SYNJ2BP: variants seen among roughly 807,000 people sequenced by gnomAD.
The protein encoded by SYNJ2BP is synaptojanin 2 binding protein, also known as synaptojanin-2-binding protein.
In SYNJ2BP, 10 loss-of-function variants were observed where a neutral mutation model predicts 16.9. The observed-to-expected ratio is 0.59, with a 90% confidence interval of 0.36 to 1.00. The LOEUF (loss-of-function observed/expected upper bound fraction) is 1.00, where lower values mean the gene tolerates loss of function less well. Ranked by LOEUF, SYNJ2BP falls within the 50% of genes least tolerant of loss-of-function variation. The pLI is 0.01. For missense variants in SYNJ2BP, 162 were observed against 186.7 expected (o/e 0.87, Z 0.77); for synonymous variants, 54 against 68.4 (o/e 0.79, Z 1.04).
intron 2 of SYNJ2BP, among the ~76,000 whole-genome samples, chr14:70,381,327 T>C (rs973192992): frequency 6.6e-6 from 1 of 152,234 alleles, no homozygotes; most frequent in Non-Finnish European, 1.5e-5. Flanking sequence ...TAAGAGACGT[T>C]ATTCTAATGA....
chr14:70,379,964 T>C (rs1887712306), intron 2 of SYNJ2BP, among the ~76,000 whole-genome samples: 1 of 152,232 alleles, frequency 6.6e-6, no homozygotes, highest in African/African-American at 2.4e-5. Context: ...GTAGAAATAC[T>C]GGGCTTAAAA....
At chr14:70,390,242 G>C (rs777960355) in intron 1 of SYNJ2BP, among the ~76,000 whole-genome samples, 31 of 152,122 alleles carry the variant, frequency 2.0e-4, no homozygotes, top group Admixed American at 6.5e-5. Context: ...GTCAGCTACT[G>C]GTAGAATTCA....
At chr14:70,390,672 A>AT (rs1428239982) in intron 1 of SYNJ2BP, among the ~76,000 whole-genome samples, 1 of 151,884 alleles carries the variant, frequency 6.6e-6, no homozygotes, top group Non-Finnish European at 1.5e-5. Context: ...CATCTCAAAA[A>AT]AAAAAATAAA....
chr14:70,395,020 GAA>G (rs1326550366), intron 1 of SYNJ2BP, among the ~76,000 whole-genome samples: 4 of 152,060 alleles, frequency 2.6e-5, no homozygotes, highest in Non-Finnish European at 5.9e-5. Context: ...ACTGCTTTAA[GAA>G]AAAAAGTCTT....
At chr14:70,388,728 G>A in intron 1 of SYNJ2BP, 122 bp from the exon 2 acceptor site, 1 of 1,320,052 alleles carries the variant, frequency 7.6e-7, no homozygotes, top group Admixed American at 3.6e-5. Flanking sequence ...AGGAGATGCT[G>A]GCGAGTCAGC....
chr14:70,416,091 TG>T (rs1305312618), intron 1 of SYNJ2BP, among the ~76,000 whole-genome samples: 1 of 152,136 alleles, frequency 6.6e-6, no homozygotes, highest in African/African-American at 2.4e-5. Context: ...AGCTCTTAAT[TG>T]ATCAACTAAA....
intron 1 of SYNJ2BP, among the ~76,000 whole-genome samples, chr14:70,393,358 T>C (rs1256357654): frequency 5.9e-5 from 9 of 151,904 alleles, no homozygotes; most frequent in Admixed American, 2.0e-4. Flanking sequence ...TTGGTGGGAG[T>C]GTAAATTAGT....
intron 2 of SYNJ2BP, among the ~76,000 whole-genome samples, chr14:70,377,844 A>C (rs1026058076): frequency 6.6e-6 from 1 of 151,810 alleles, no homozygotes; most frequent in Admixed American, 6.6e-5. Context: ...ACGCATTATC[A>C]CTCTCCTCCC....
At chr14:70,388,070 G>A (rs1887899660) in intron 2 of SYNJ2BP, among the ~76,000 whole-genome samples, 1 of 152,128 alleles carries the variant, frequency 6.6e-6, no homozygotes, top group Non-Finnish European at 1.5e-5. Context: ...GTTTTGTGAT[G>A]TTAAATCCAA....
intron 3 of SYNJ2BP, among the ~76,000 whole-genome samples, chr14:70,374,975 GTCTC>G (rs1887594668): frequency 1.3e-5 from 2 of 151,362 alleles, no homozygotes; most frequent in African/African-American, 4.8e-5. Context: ...AAGAGATGAG[GTCTC>G]TCTATGTTGC....
At chr14:70,390,120 T>C (rs1218110686) in intron 1 of SYNJ2BP, among the ~76,000 whole-genome samples, 1 of 152,058 alleles carries the variant, frequency 6.6e-6, no homozygotes, top group African/African-American at 2.4e-5. Context: ...TATGGACCAA[T>C]GACTAAGTGC....
At chr14:70,404,024 T>C (rs1566623750) in intron 1 of SYNJ2BP, among the ~76,000 whole-genome samples, 1 of 152,336 alleles carries the variant, frequency 6.6e-6, no homozygotes, top group East Asian at 1.9e-4. Context: ...AATATGCATG[T>C]ATGTAACGTC....
intron 2 of SYNJ2BP, among the ~76,000 whole-genome samples, chr14:70,377,109 T>G (rs61977549): frequency 0.075 from 11,388 of 152,274 alleles, 489 homozygotes; most frequent in Middle Eastern, 0.12. Context: ...CTCCAATATC[T>G]CAAACTCTTA....
intron 2 of SYNJ2BP, among the ~76,000 whole-genome samples, chr14:70,376,480 C>T (rs578215155): frequency 6.6e-6 from 1 of 152,150 alleles, no homozygotes; most frequent in Non-Finnish European, 1.5e-5. Flanking sequence ...GGAGTGACAT[C>T]GGCCACAAGT....
intron 2 of SYNJ2BP, among the ~76,000 whole-genome samples, chr14:70,377,083 A>G (rs1356327518): frequency 6.6e-6 from 1 of 152,246 alleles, no homozygotes; most frequent in Non-Finnish European, 1.5e-5. Flanking sequence ...AGACTTCAAT[A>G]TTAGACATGC....
chr14:70,412,304 T>C (rs911914274), intron 1 of SYNJ2BP, among the ~76,000 whole-genome samples: 2 of 152,098 alleles, frequency 1.3e-5, no homozygotes, highest in African/African-American at 4.8e-5. Context: ...GTATATGGTA[T>C]AGCAGAATTA....
At position 70,375,353 on chromosome 14, in the gene SYNJ2BP, C is replaced by G. The variant is rs144261006; in HGVS notation, c.297+323G>C. ...AGTAGCTGAGACTACAGGTGTGCAC[C>G]ACCGTGCCTGAATTTTTTGTATTTT... On this transcript the variant is annotated intron_variant, in intron 3 of 3. Transcript: ENST00000256366. Among the ~76,000 whole-genome samples, 136 of 151,604 alleles carry G rather than the reference C, an allele frequency of 9.0e-4. No homozygotes were observed. In the East Asian group the frequency reaches 0.019, roughly 21 times the overall value.
chr14:70,391,131 T>C (rs1887973051), intron 1 of SYNJ2BP, among the ~76,000 whole-genome samples: 1 of 151,888 alleles, frequency 6.6e-6, no homozygotes, highest in East Asian at 1.9e-4. Flanking sequence ...ATCTCAAAAA[T>C]AAAATAAAAT....
At chr14:70,376,020 C>T (rs1887621856) in intron 2 of SYNJ2BP, among the ~76,000 whole-genome samples, 1 of 152,210 alleles carries the variant, frequency 6.6e-6, no homozygotes, top group Non-Finnish European at 1.5e-5. Flanking sequence ...GTCTCTCCTT[C>T]CTCTTAGCTT....
Sources: gnomAD v4.1 joint callset for allele counts (sites outside exome capture counted in the v4.1 genomes callset) on GRCh38, gnomAD v4.1.1 for gene constraint, MANE v1.5 for transcripts, NCBI Gene and HGNC (gene_info 2026-07-23, HGNC 2026-07-21) for gene names.